LPP: variants seen among roughly 807,000 people sequenced by gnomAD.
LPP encodes lipoma-preferred partner.
Under a neutral mutation model 60.4 loss-of-function variants are expected in LPP, and 38 were observed. The observed-to-expected ratio is 0.63, with a 90% confidence interval of 0.49 to 0.83. The LOEUF is 0.83. Among genes scored for constraint, LPP ranks in the 40% least tolerant of loss-of-function variants. LPP has a pLI of 0.00. For missense variants in LPP, 902 were observed against 783.6 expected, an observed-to-expected ratio of 1.15 and a Z score of -1.80; for synonymous variants, 328 against 290.8, an observed-to-expected ratio of 1.13 and a Z score of -1.30.
intron 9 of LPP, among the ~76,000 whole-genome samples, chr3:188,767,634 A>G (rs571939216): frequency 5.3e-5 from 8 of 152,342 alleles, no homozygotes; most frequent in African/African-American, 1.9e-4. Flanking sequence ...AATTGTAGAC[A>G]GTTCCTACTG....
intron 6 of LPP, among the ~76,000 whole-genome samples, chr3:188,569,521 T>C (rs1452806380): frequency 6.6e-6 from 1 of 152,042 alleles, no homozygotes; most frequent in Non-Finnish European, 1.5e-5. Context: ...TTAAAAATTA[T>C]AATTAAATAA....
At chr3:188,692,568 C>T (rs1862362049) in intron 7 of LPP, among the ~76,000 whole-genome samples, 2 of 152,232 alleles carry the variant, frequency 1.3e-5, no homozygotes, top group South Asian at 2.1e-4. Flanking sequence ...ACCATCTCCC[C>T]TTTCTCTGTG....
chr3:188,260,810 A>G (rs1030647542), intron 2 of LPP, among the ~76,000 whole-genome samples: 3 of 152,266 alleles, frequency 2.0e-5, no homozygotes, highest in East Asian at 1.9e-4. Context: ...AGGCGGGCAG[A>G]TGGTTTGAGG....
chr3:188,851,987 A>G (rs1762782844), intron 9 of LPP, among the ~76,000 whole-genome samples: 1 of 152,122 alleles, frequency 6.6e-6, no homozygotes, highest in Admixed American at 6.5e-5. Flanking sequence ...GACATGGCGA[A>G]AACCTGTCTC....
At chr3:188,440,147 C>G (rs915317991) in intron 4 of LPP, among the ~76,000 whole-genome samples, 6 of 152,258 alleles carry the variant, frequency 3.9e-5, no homozygotes, top group African/African-American at 1.4e-4. Flanking sequence ...TCCTTTCTAC[C>G]TTTCACCTTC....
intron 2 of LPP, among the ~76,000 whole-genome samples, chr3:188,241,996 T>C (rs545422063): frequency 6.6e-6 from 1 of 152,308 alleles, no homozygotes; most frequent in Non-Finnish European, 1.5e-5. Context: ...GTATGTCCTC[T>C]TGAGTTACAG....
At chr3:188,239,772 C>T (rs1723221851) in intron 2 of LPP, 1 of 216,790 alleles carries the variant, frequency 4.6e-6, no homozygotes, top group South Asian at 1.9e-4. Flanking sequence ...TATTACTGCA[C>T]TATTAGTATT....
chr3:188,573,772 A>T (rs1487422292), intron 6 of LPP, among the ~76,000 whole-genome samples: 1 of 152,066 alleles, frequency 6.6e-6, no homozygotes, highest in African/African-American at 2.4e-5. Flanking sequence ...TAAAACAGGA[A>T]GCCAGTGACC....
chr3:188,819,050 G>C (rs1002302190), intron 9 of LPP, among the ~76,000 whole-genome samples: 2 of 151,664 alleles, frequency 1.3e-5, no homozygotes, highest in Non-Finnish European at 2.9e-5. Context: ...GTGTGTGTGT[G>C]TGTGTGTGTG....
intron 3 of LPP, among the ~76,000 whole-genome samples, chr3:188,358,070 A>G (rs1170266073): frequency 6.6e-6 from 1 of 152,210 alleles, no homozygotes; most frequent in Admixed American, 6.5e-5. Flanking sequence ...ACTCTCTGGG[A>G]CTTGTACTAA....
chr3:188,568,498 T>C (rs1832739825), intron 6 of LPP: 1 of 151,950 alleles, frequency 6.6e-6, no homozygotes, highest in Admixed American at 6.6e-5. Context: ...ACAATAGTTA[T>C]ACAAAACTGA....
chr3:188,540,626 A>G (rs149290217), intron 6 of LPP, among the ~76,000 whole-genome samples: 2 of 152,362 alleles, frequency 1.3e-5, no homozygotes, highest in East Asian at 3.9e-4. Context: ...TATAATGAAG[A>G]CCATTATAGT....
intron 9 of LPP, among the ~76,000 whole-genome samples, chr3:188,817,825 G>A (rs1050122621): frequency 6.6e-6 from 1 of 152,232 alleles, no homozygotes; most frequent in African/African-American, 2.4e-5. Context: ...GCAAGGAAAT[G>A]TCTGGGCTCA....
chr3:188,538,576 G>A (rs74604510), intron 6 of LPP, among the ~76,000 whole-genome samples: 1,907 of 152,240 alleles, frequency 0.013, 38 homozygotes, highest in African/African-American at 0.043. Context: ...AACATCATAC[G>A]TTGCTGGTGG....
chr3:188,280,469 T>G (rs1464659147), intron 2 of LPP, among the ~76,000 whole-genome samples: 1 of 152,152 alleles, frequency 6.6e-6, no homozygotes, highest in Admixed American at 6.5e-5. Context: ...GGGGAACGGC[T>G]ACCAGTAATT....
At chr3:188,711,446 T>G (rs1256321084) in intron 8 of LPP, 2 of 152,170 alleles carry the variant, frequency 1.3e-5, no homozygotes, top group Non-Finnish European at 2.9e-5. Flanking sequence ...ATCTGTACAT[T>G]TACACACCAC....
chr3:188,388,662 A>G (rs1389548017), intron 3 of LPP, among the ~76,000 whole-genome samples: 3 of 152,246 alleles, frequency 2.0e-5, no homozygotes, highest in Admixed American at 6.5e-5. Context: ...AACTTACATC[A>G]TGAGTATGTT....
At chr3:188,404,751 A>G (rs532565024) in intron 3 of LPP, among the ~76,000 whole-genome samples, 1 of 152,178 alleles carries the variant, frequency 6.6e-6, no homozygotes, top group Non-Finnish European at 1.5e-5. Context: ...AGACATCTGG[A>G]GGTAATTGTG....
In LPP at chr3:188,305,569, G is replaced by A. The variant is rs139574462; in HGVS notation, c.-66-36094G>A. Among the ~76,000 whole-genome samples the A allele has an allele frequency of 2.8e-3, 422 of 152,102 alleles. 1 individual carries two copies. Among genetic ancestry groups the A allele is most frequent in the Admixed American group, 5.2e-3 (80 of 15,274 alleles). On this transcript the variant is annotated intron_variant, in intron 2 of 11. Transcript: ENST00000617246. Reference sequence around the variant, plus strand: ...GTCTTCTATTTCAGTTGCTGGTTTTGATTTTTCTCAACGCAACACACACAC... The same window carrying A: ...GTCTTCTATTTCAGTTGCTGGTTTTAATTTTTCTCAACGCAACACACACAC...
Sources: allele counts gnomAD v4.1 joint callset (sites outside exome capture counted in the v4.1 genomes callset), GRCh38; gene constraint gnomAD v4.1.1; transcripts MANE v1.5; gene names NCBI Gene and HGNC (gene_info 2026-07-23, HGNC 2026-07-21).